XKR6: variants seen among roughly 807,000 people sequenced by gnomAD.
XKR6 encodes XK-related protein 6.
A neutral mutation model predicts 56.7 loss-of-function variants in XKR6; 22 were observed. The observed-to-expected ratio is 0.39, with a 90% CI of 0.28 to 0.55. XKR6 has a LOEUF of 0.55. XKR6 is among the 20% of genes least tolerant of loss of function. XKR6 has a pLI of 0.66. For missense variants in XKR6, 852 were observed against 889.0 expected (o/e 0.96, Z 0.53); for synonymous variants, 524 against 387.8 (o/e 1.35, Z -4.13).
intron 2 of XKR6, among the ~76,000 whole-genome samples, chr8:10,917,611 C>T (rs1393100182): frequency 1.3e-5 from 2 of 152,166 alleles, no homozygotes; most frequent in Admixed American, 1.3e-4. Flanking sequence ...CAGTCTTGCC[C>T]CCTGCTGAGT....
At chr8:10,904,783 C>T (rs1286996567) in intron 2 of XKR6, among the ~76,000 whole-genome samples, 1 of 152,168 alleles carries the variant, frequency 6.6e-6, no homozygotes, top group African/African-American at 2.4e-5. Context: ...AGGCATGCTC[C>T]AGAAAGCCAC....
chr8:11,101,969 G>T (rs1196075251), intron 1 of XKR6, among the ~76,000 whole-genome samples: 1 of 152,024 alleles, frequency 6.6e-6, no homozygotes, highest in African/African-American at 2.4e-5. Flanking sequence ...ATAATGTCAC[G>T]GATGCCATCT....
At chr8:11,099,605 T>C (rs1798391098) in intron 1 of XKR6, among the ~76,000 whole-genome samples, 1 of 152,220 alleles carries the variant, frequency 6.6e-6, no homozygotes, top group South Asian at 2.1e-4. Flanking sequence ...ATCTCCAAGT[T>C]TCCTTGCAAC....
intron 1 of XKR6, among the ~76,000 whole-genome samples, chr8:10,992,043 A>G (rs1435740905): frequency 6.6e-6 from 1 of 152,216 alleles, no homozygotes; most frequent in Non-Finnish European, 1.5e-5. Flanking sequence ...ACAGCAGGAA[A>G]CAGACCTGGC....
chr8:11,183,008 T>C (rs1803077043), intron 1 of XKR6, among the ~76,000 whole-genome samples: 1 of 152,222 alleles, frequency 6.6e-6, no homozygotes, highest in African/African-American at 2.4e-5. Context: ...TTGCAGAATG[T>C]CCTCCAGGTT....
intron 1 of XKR6, among the ~76,000 whole-genome samples, chr8:10,946,640 T>C (rs1441229933): frequency 6.6e-6 from 1 of 151,886 alleles, no homozygotes; most frequent in Non-Finnish European, 1.5e-5. Context: ...ACTGCAGTGA[T>C]CCAAACCCCT....
chr8:11,063,046 C>T, intron 1 of XKR6: 1 of 350,268 alleles, frequency 2.9e-6, no homozygotes, highest in South Asian at 2.2e-5. Context: ...ATTTGGACTC[C>T]TATATGGACA....
In XKR6 at chr8:11,162,314, TC is replaced by T. The variant is rs1357292332; in HGVS notation, c.764+38261del. 2.6e-5 allele frequency among the ~76,000 whole-genome samples: 4 copies of T among 152,014 alleles called. No homozygotes were observed. The East Asian group carries it at 5.8e-4, about 22-fold the overall frequency. On this transcript the variant is annotated intron_variant, in intron 1 of 2. Coordinates refer to ENST00000416569, the MANE Select transcript of XKR6 (RefSeq NM_173683.4). ...AGTAAACCCAGGAAAAGCCGCCTTC[TC>T]CCCCTTGGCCCTGAAGAGCTACACT...
chr8:11,072,002 A>C (rs1353412628), intron 1 of XKR6, among the ~76,000 whole-genome samples: 1 of 151,914 alleles, frequency 6.6e-6, no homozygotes, highest in Non-Finnish European at 1.5e-5. Flanking sequence ...AATACATAGA[A>C]AACACCCAAT....
At chr8:10,918,071 C>T (rs973561889) in intron 2 of XKR6, among the ~76,000 whole-genome samples, 1 of 152,224 alleles carries the variant, frequency 6.6e-6, no homozygotes, top group Non-Finnish European at 1.5e-5. Context: ...ACCCATCCTG[C>T]CCTAAAGTCT....
rs1318616165 is a variant in XKR6 at position 10,912,460 on chromosome 8, T to G, written c.961+12174A>C. On this transcript the variant is annotated intron_variant, in intron 2 of 2. Coordinates refer to ENST00000416569, the MANE Select transcript of XKR6 (RefSeq NM_173683.4). ...CGATAGGTGAGTGTATATATATATA[T>G]ATATATAGAGAGAGAGAGAGAGAGA... Among the ~76,000 whole-genome samples the G allele has an allele frequency of 1.7e-4, 20 of 120,530 alleles. No individual in the cohort carries two copies. In the East Asian group the frequency reaches 2.6e-3, roughly 16 times the overall value. The allele number at this position is 120,530 out of a possible 152,430, so 79.1% of individuals were successfully genotyped here. A position where few individuals can be genotyped will look rare whatever the true frequency, so the allele number is the denominator to read the frequency against.
At chr8:10,983,505 G>GA (rs1011365643) in intron 1 of XKR6, among the ~76,000 whole-genome samples, 11 of 151,924 alleles carry the variant, frequency 7.2e-5, no homozygotes, top group African/African-American at 2.7e-4. Flanking sequence ...AATTATCACA[G>GA]AAAAAAATAG....
intron 1 of XKR6, among the ~76,000 whole-genome samples, chr8:11,030,315 C>T (rs1208657515): frequency 1.3e-5 from 2 of 152,160 alleles, no homozygotes; most frequent in Non-Finnish European, 2.9e-5. Flanking sequence ...ATCTGTGGAT[C>T]GTTCTAAACT....
chr8:11,191,348 ACACTGATACTTTGCTAACATATGACCC>A (rs1196742853), intron 1 of XKR6, among the ~76,000 whole-genome samples: 3 of 152,212 alleles, frequency 2.0e-5, no homozygotes, highest in Admixed American at 1.3e-4. Context: ...AGGAAAAGAG[ACACTGATACTTTGCTAACATATGACCC>A]CACAAGTTAC....
chr8:11,079,034 C>T (rs1800346378), intron 1 of XKR6, among the ~76,000 whole-genome samples: 1 of 152,220 alleles, frequency 6.6e-6, no homozygotes, highest in African/African-American at 2.4e-5. Flanking sequence ...CGCTGCAGGG[C>T]CATAAGAACC....
At chr8:11,050,247 A>T (rs1294916244) in intron 1 of XKR6, among the ~76,000 whole-genome samples, 1 of 152,170 alleles carries the variant, frequency 6.6e-6, no homozygotes, top group Non-Finnish European at 1.5e-5. Flanking sequence ...CTGCGACAGG[A>T]TTCAAGAATA....
At chr8:10,926,909 G>C (rs577393236) in intron 1 of XKR6, among the ~76,000 whole-genome samples, 1 of 152,346 alleles carries the variant, frequency 6.6e-6, no homozygotes, top group East Asian at 1.9e-4. Context: ...TAAGAGAGGG[G>C]GAGGGAGAGA....
intron 1 of XKR6, among the ~76,000 whole-genome samples, chr8:10,951,637 C>T (rs13262231): frequency 6.6e-6 from 1 of 152,172 alleles, no homozygotes; most frequent in Non-Finnish European, 1.5e-5. Flanking sequence ...ACCTAACGGC[C>T]CATCATTCTA....
intron 1 of XKR6, among the ~76,000 whole-genome samples, chr8:11,116,838 G>C (rs998747008): frequency 3.3e-5 from 5 of 152,128 alleles, no homozygotes; most frequent in African/African-American, 1.2e-4. Context: ...GCAGGTTACA[G>C]TCGACAACAA....
Sources: allele counts gnomAD v4.1 joint callset (sites outside exome capture counted in the v4.1 genomes callset), GRCh38; gene constraint gnomAD v4.1.1; transcripts MANE v1.5; gene names NCBI Gene and HGNC (gene_info 2026-07-23, HGNC 2026-07-21).